Variants in LDLRAD3 observed in about 807,000 individuals in gnomAD.
LDLRAD3 encodes the protein low-density lipoprotein receptor class A domain-containing protein 3.
LDLRAD3 carries 20 observed loss-of-function variants against 29.4 expected under a neutral mutation model. The ratio of observed to expected loss-of-function variants is 0.68; its 90% CI spans 0.48 to 0.99. LDLRAD3 has a LOEUF of 0.99. Ranked by LOEUF, LDLRAD3 falls within the 50% of genes least tolerant of loss-of-function variation. The pLI, the probability that LDLRAD3 is intolerant of heterozygous loss-of-function variation, is 0.00. For synonymous variants in LDLRAD3, 157 were observed against 192.7 expected (o/e 0.81, Z 1.53); for missense variants, 420 against 454.3 (o/e 0.92, Z 0.69).
chr11:36,130,242 A>G (rs371717314), intron 4 of LDLRAD3, among the ~76,000 whole-genome samples: 12 of 152,166 alleles, frequency 7.9e-5, no homozygotes, highest in Non-Finnish European at 1.6e-4. Context: ...TGAGACCTGA[A>G]GGGTGATAAG....
At chr11:35,961,987 C>T (rs555297279) in intron 1 of LDLRAD3, among the ~76,000 whole-genome samples, 69 of 152,092 alleles carry the variant, frequency 4.5e-4, no homozygotes, top group African/African-American at 1.5e-3. Context: ...GTCTTAAAAC[C>T]GAGATGAGGA....
intron 1 of LDLRAD3, among the ~76,000 whole-genome samples, chr11:35,952,329 G>A (rs1175820497): frequency 6.6e-6 from 1 of 152,168 alleles, no homozygotes; most frequent in Non-Finnish European, 1.5e-5. Flanking sequence ...TTGTGCTGGA[G>A]AATTCCAGCA....
intron 1 of LDLRAD3, among the ~76,000 whole-genome samples, chr11:35,958,091 C>T (rs1051266715): frequency 2.0e-5 from 3 of 152,196 alleles, no homozygotes; most frequent in African/African-American, 7.2e-5. Flanking sequence ...TACTAAAATA[C>T]TATGCAGACA....
At chr11:35,991,985 C>G (rs768288645) in intron 1 of LDLRAD3, among the ~76,000 whole-genome samples, 3 of 151,554 alleles carry the variant, frequency 2.0e-5, no homozygotes, top group African/African-American at 4.9e-5. Flanking sequence ...CCTGATGATG[C>G]AGGAATTTAC....
At chr11:36,186,479 A>T (rs1480798384) in intron 4 of LDLRAD3, among the ~76,000 whole-genome samples, 3 of 152,220 alleles carry the variant, frequency 2.0e-5, no homozygotes, top group African/African-American at 7.2e-5. Context: ...GTTGGTCCAC[A>T]TCCAAAAATC....
chr11:36,067,666 A>T (rs1231979509), intron 2 of LDLRAD3, among the ~76,000 whole-genome samples: 1 of 152,084 alleles, frequency 6.6e-6, no homozygotes, highest in Non-Finnish European at 1.5e-5. Context: ...TAACTGCTTA[A>T]CTGCTGTAAT....
At chr11:36,083,550 T>G (rs1275303225) in intron 3 of LDLRAD3, among the ~76,000 whole-genome samples, 1 of 152,144 alleles carries the variant, frequency 6.6e-6, no homozygotes, top group Admixed American at 6.6e-5. Context: ...ACAGAGTAAT[T>G]GATTTTTTAA....
chr11:35,995,603 G>A (rs1023654875), intron 1 of LDLRAD3, among the ~76,000 whole-genome samples: 11 of 152,206 alleles, frequency 7.2e-5, no homozygotes, highest in African/African-American at 2.7e-4. Context: ...TTGAAGCCAG[G>A]CATTGACTTA....
At chr11:36,159,648 C>T (rs551905495) in intron 4 of LDLRAD3, among the ~76,000 whole-genome samples, 1 of 147,540 alleles carries the variant, frequency 6.8e-6, no homozygotes, top group African/African-American at 2.5e-5. Flanking sequence ...TGACATGCTC[C>T]TGTAGTCCCA....
At chr11:36,025,075 A>G (rs1244859975) in intron 1 of LDLRAD3, among the ~76,000 whole-genome samples, 1 of 152,204 alleles carries the variant, frequency 6.6e-6, no homozygotes, top group African/African-American at 2.4e-5. Flanking sequence ...CTCATAATAG[A>G]TGGAATCTCC....
intron 2 of LDLRAD3, among the ~76,000 whole-genome samples, chr11:36,077,070 G>C (rs1177515644): frequency 6.6e-6 from 1 of 152,166 alleles, no homozygotes; most frequent in Non-Finnish European, 1.5e-5. Flanking sequence ...GTAGTTCTAA[G>C]ATATACACTG....
chr11:36,128,115 T>C (rs1458083870), intron 4 of LDLRAD3, among the ~76,000 whole-genome samples: 1 of 102,708 alleles, frequency 9.7e-6, no homozygotes, highest in Admixed American at 8.7e-5. Flanking sequence ...GAGTTGTTTT[T>C]ACATATATAT....
In LDLRAD3 at chr11:36,214,611, G is replaced by A. The variant is rs1018029360; in HGVS notation, c.455-12474G>A. Among the ~76,000 whole-genome samples, 6 of 152,142 alleles carry A rather than the reference G, an allele frequency of 3.9e-5. No individual in the cohort carries two copies. In the South Asian group the frequency reaches 8.3e-4, roughly 21 times the overall value. ...TTTCCCTTCCCCAAAACAGATCACC[G>A]GGAAAACTGGTTGAGTGGGACCTGC... On this transcript the variant is annotated intron_variant, in intron 4 of 5. Transcript: ENST00000315571.
chr11:35,996,870 C>T (rs1326641355), intron 1 of LDLRAD3, among the ~76,000 whole-genome samples: 2 of 152,184 alleles, frequency 1.3e-5, no homozygotes, highest in African/African-American at 4.8e-5. Context: ...CATCTCAGTA[C>T]AGTAGGTACG....
intron 4 of LDLRAD3, among the ~76,000 whole-genome samples, chr11:36,208,514 A>G (rs1445220566): frequency 6.6e-6 from 1 of 152,212 alleles, no homozygotes; most frequent in East Asian, 1.9e-4. Flanking sequence ...AAGTGCCCCA[A>G]TCCCATTCCT....
At chr11:36,112,327 A>C (rs1853617274) in intron 4 of LDLRAD3, among the ~76,000 whole-genome samples, 1 of 152,214 alleles carries the variant, frequency 6.6e-6, no homozygotes, top group African/African-American at 2.4e-5. Context: ...TTTTAATTGA[A>C]GAGAAAGACC....
intron 4 of LDLRAD3, among the ~76,000 whole-genome samples, chr11:36,100,751 A>C (rs1479705310): frequency 6.6e-6 from 1 of 152,114 alleles, no homozygotes; most frequent in Non-Finnish European, 1.5e-5. Flanking sequence ...ACAGTTTCTT[A>C]AGTGTGTATG....
intron 4 of LDLRAD3, among the ~76,000 whole-genome samples, chr11:36,130,898 T>A (rs1290788980): frequency 6.6e-6 from 1 of 152,190 alleles, no homozygotes; most frequent in Admixed American, 6.5e-5. Flanking sequence ...GCGCACTATC[T>A]CTTTCATGGA....
Position 36,230,793 on chromosome 11 carries a change from C to T in LDLRAD3, c.*1396C>T, listed in dbSNP as rs528434557. 1 of 152,702 alleles carries T rather than the reference C, an allele frequency of 6.5e-6. No individual in the cohort carries two copies. The highest frequency in any genetic ancestry group is 1.9e-4 in the East Asian group (1 of 5,188). 9.5% of individuals were successfully genotyped at this position (152,702 alleles called of 1,614,324 possible). On this transcript the variant is annotated 3_prime_UTR_variant, in exon 6 of 6. Transcript: ENST00000315571. Reference sequence around the variant, plus strand: ...ATGCAAAAGGAGATCACACCCTTGCCCCGCTGAGCCCCGTGATAACAAGTC... The same window carrying T: ...ATGCAAAAGGAGATCACACCCTTGCTCCGCTGAGCCCCGTGATAACAAGTC...
Sources: gnomAD v4.1 joint callset for allele counts (sites outside exome capture counted in the v4.1 genomes callset) on GRCh38, gnomAD v4.1.1 for gene constraint, MANE v1.5 for transcripts, NCBI Gene and HGNC (gene_info 2026-07-23, HGNC 2026-07-21) for gene names.